The following MAPT variants were observed in gnomAD, a reference collection of about 807,000 sequenced individuals.
MAPT encodes the protein microtubule-associated protein tau.
A neutral mutation model predicts 67.9 loss-of-function variants in MAPT; 34 were observed. That is an observed-to-expected ratio of 0.50 (90% CI 0.38 to 0.67). The LOEUF (loss-of-function observed/expected upper bound fraction) is 0.67. Among genes scored for constraint, MAPT ranks in the 30% least tolerant of loss-of-function variants. The probability of loss-of-function intolerance (pLI) is 0.00; values close to 1 mark genes in which losing one functional copy is unlikely to be tolerated. For missense variants in MAPT, 881 were observed against 1,115.2 expected (o/e 0.79, Z 2.99); for synonymous variants, 456 against 464.5 (o/e 0.98, Z 0.23).
At position 45,987,066 on chromosome 17, in the gene MAPT, G is replaced by A. The variant is rs569445345; in HGVS notation, c.1378G>A (p.Gly460Arg). ...KARMVSKSKDGTGSDDKKAKT... is the reference protein window; with the variant it reads ...KARMVSKSKDRTGSDDKKAKT... ...TCGCATGGTCAGTAAAAGCAAAGAC[G>A]GGACTGGAAGCGATGACAAAAAAGC... The change falls in exon 6 of 13, where the codon GGG becomes AGG. Residue 460 changes from glycine to arginine, a missense_variant. Around this residue, in one of 6 missense-constraint regions of MAPT, gnomAD observed 687 missense variants for 766.1 expected, o/e 0.90. Transcript: ENST00000262410. 32 of 1,613,950 alleles carry A rather than the reference G, an allele frequency of 2.0e-5. No individual in the cohort carries two copies. Among genetic ancestry groups the A allele is most frequent in the Non-Finnish European group, 2.5e-5 (29 of 1,179,916 alleles).
chr17:45,912,808 T>C (rs1328589745), intron 1 of MAPT, among the ~76,000 whole-genome samples: 1 of 152,228 alleles, frequency 6.6e-6, no homozygotes, highest in Non-Finnish European at 1.5e-5. Flanking sequence ...TGTATTTTAT[T>C]TGGCCAACCT....
Position 45,904,546 on chromosome 17 carries a change from G to A in MAPT, c.-18+9860G>A, listed in dbSNP as rs142087364. 7.6e-3 allele frequency among the ~76,000 whole-genome samples: 1,129 copies of A among 149,290 alleles called. 59 individuals carry two copies. Among genetic ancestry groups the A allele is most frequent in the Admixed American group, 0.067 (973 of 14,460 alleles). ...CTACAAAAGGAAACTGTAAAAATTAGCTGGGCATGATGGCATGTGTCTGTA... is the reference window on the plus strand; with the variant it reads ...CTACAAAAGGAAACTGTAAAAATTAACTGGGCATGATGGCATGTGTCTGTA... On this transcript the variant is annotated intron_variant, in intron 1 of 12. Coordinates refer to ENST00000262410, the MANE Select transcript of MAPT (RefSeq NM_001377265.1).
chr17:45,903,197 C>G (rs560495857), intron 1 of MAPT, among the ~76,000 whole-genome samples: 6 of 152,284 alleles, frequency 3.9e-5, no homozygotes, highest in African/African-American at 1.4e-4. Flanking sequence ...TGCTCCTCCC[C>G]CAGCGTAAAG....
chr17:45,994,541 C>T (rs1046126783), intron 8 of MAPT, among the ~76,000 whole-genome samples: 12 of 152,132 alleles, frequency 7.9e-5, no homozygotes, highest in African/African-American at 1.9e-4. Context: ...CATGGAAATC[C>T]GCAGGGCACG....
chr17:45,923,861 C>T (rs1044122325), intron 1 of MAPT, among the ~76,000 whole-genome samples: 2 of 152,178 alleles, frequency 1.3e-5, no homozygotes, highest in African/African-American at 2.4e-5. Flanking sequence ...TTGGGCAAGT[C>T]GCTCAACCTC....
chr17:45,975,984 G>T, intron 3 of MAPT: 1 of 152,388 alleles, frequency 6.6e-6, no homozygotes, highest in Non-Finnish European at 1.5e-5. Context: ...CTCCCCTGAA[G>T]AGCCCTTCTG....
intron 9 of MAPT, among the ~76,000 whole-genome samples, chr17:46,002,335 G>A (rs1267126715): frequency 2.6e-5 from 4 of 152,098 alleles, no homozygotes; most frequent in South Asian, 2.1e-4. Context: ...TTGGGGGGTC[G>A]CTGGGAAACA....
intron 9 of MAPT, among the ~76,000 whole-genome samples, chr17:46,006,641 A>G (rs1040944612): frequency 6.6e-5 from 10 of 152,138 alleles, no homozygotes; most frequent in African/African-American, 1.9e-4. Flanking sequence ...TTAGCTGGGC[A>G]TGGTGGCTCA....
In MAPT at chr17:45,962,306, C is replaced by G. The variant is rs748269867; in HGVS notation, c.-17-15C>G. ...AACACTCCTCAGAACTTATCCTCTC[C>G]TCTTCTTTCCCCAGGTGAACTTTGA... On this transcript the variant is annotated splice_polypyrimidine_tract_variant and intron_variant, in intron 1 of 12. Transcript: ENST00000262410. 6.2e-7 allele frequency: 1 copy of G among 1,610,350 alleles called. No homozygotes were observed. Among genetic ancestry groups the G allele is most frequent in the East Asian group, 2.2e-5 (1 of 44,870 alleles).
intron 1 of MAPT, among the ~76,000 whole-genome samples, chr17:45,904,402 T>C (rs945881423): frequency 1.3e-4 from 12 of 90,072 alleles, no homozygotes; most frequent in South Asian, 4.3e-4. Context: ...TATATACACA[T>C]ATATATATAT....
chr17:45,937,356 G>A (rs1160685901), intron 1 of MAPT, among the ~76,000 whole-genome samples: 1 of 152,206 alleles, frequency 6.6e-6, no homozygotes, highest in African/African-American at 2.4e-5. Flanking sequence ...GGGAGGCTGA[G>A]GCAGGAGGAT....
At chr17:45,904,359 T>A (rs1209531092) in intron 1 of MAPT, among the ~76,000 whole-genome samples, 1 of 88,852 alleles carries the variant, frequency 1.1e-5, no homozygotes, top group Non-Finnish European at 2.3e-5. Flanking sequence ...ATATATATTA[T>A]ATATATTAAA....
chr17:45,967,828 A>G (rs2071243762), intron 2 of MAPT, among the ~76,000 whole-genome samples: 1 of 152,090 alleles, frequency 6.6e-6, no homozygotes, highest in African/African-American at 2.4e-5. Context: ...CCTAACAAGT[A>G]AAAACCAAAT....
intron 8 of MAPT, among the ~76,000 whole-genome samples, chr17:45,993,216 C>A (rs761498934): frequency 6.6e-6 from 1 of 152,260 alleles, no homozygotes; most frequent in Admixed American, 6.5e-5. Flanking sequence ...ACATGCCGTG[C>A]AGTGGCACCC....
At chr17:45,961,692 T>C (rs939264807) in intron 1 of MAPT, among the ~76,000 whole-genome samples, 1 of 152,020 alleles carries the variant, frequency 6.6e-6, no homozygotes, top group Non-Finnish European at 1.5e-5. Context: ...GCAGCATTGA[T>C]TTTTTTAATG....
chr17:45,947,590 G>T (rs544542004), intron 1 of MAPT, among the ~76,000 whole-genome samples: 350 of 152,050 alleles, frequency 2.3e-3, no homozygotes, highest in Middle Eastern at 0.017. Flanking sequence ...GTTTCACCAT[G>T]TTGGTCAGGC....
chr17:45,996,976 G>A lies in MAPT; in HGVS notation c.1998+312G>A, dbSNP rs187922182. ...CTGTTAATCGGACAGAGATGGCAGG[G>A]CTGTGTCTCCACGGCCGGAGGCTCT... On this transcript the variant is annotated intron_variant, in intron 9 of 12. Transcript: ENST00000262410. The surrounding 1 kb of genome is among the most constrained non-coding windows in gnomAD (Gnocchi z 4.5). Among the ~76,000 whole-genome samples the A allele has an allele frequency of 1.7e-3, 261 of 152,332 alleles. 1 individual carries two copies. Among genetic ancestry groups the A allele is most frequent in the African/African-American group, 6.2e-3 (256 of 41,582 alleles).
chr17:45,991,578 C>T lies in MAPT; in HGVS notation c.1724C>T (p.Pro575Leu). The T allele has an allele frequency of 1.2e-6, 2 of 1,614,126 alleles. No individual in the cohort carries two copies. Among genetic ancestry groups the T allele is most frequent in the Non-Finnish European group, 1.7e-6 (2 of 1,179,996 alleles). ...AKTPPAPKTP[P>L]SSGEPPKSGD... ...ACCCCGCCCGCTCCAAAGACACCAC[C>T]CAGCTCTGGTAAGAAGAACGTTCTC... is the stretch of plus-strand genomic sequence containing the variant. Residue 575 changes from proline (P) to leucine (L), a missense_variant, in exon 8 of 13, where the codon CCC becomes CTC. Around this residue, in one of 6 missense-constraint regions of MAPT, gnomAD observed 687 missense variants for 766.1 expected, o/e 0.90. Coordinates refer to ENST00000262410, the MANE Select transcript of MAPT (RefSeq NM_001377265.1).
At chr17:45,933,330 T>C (rs1029587443) in intron 1 of MAPT, among the ~76,000 whole-genome samples, 6 of 150,712 alleles carry the variant, frequency 4.0e-5, no homozygotes, top group African/African-American at 1.5e-4. Context: ...CTACATCCTC[T>C]GCCTCCTCAG....
Sources: allele counts gnomAD v4.1 joint callset (sites outside exome capture counted in the v4.1 genomes callset), GRCh38; gene constraint gnomAD v4.1.1; regional missense constraint gnomAD v4.1.1; non-coding constraint Gnocchi (gnomAD v3.1); transcripts MANE v1.5; gene names NCBI Gene and HGNC (gene_info 2026-07-23, HGNC 2026-07-21).